The following CAMK1D variants were observed in gnomAD, a reference collection of about 807,000 sequenced individuals.
CAMK1D encodes calcium/calmodulin-dependent protein kinase type 1D.
A neutral mutation model predicts 47.7 loss-of-function variants in CAMK1D; 9 were observed. That is an observed-to-expected ratio of 0.19 (90% CI 0.11 to 0.33). The LOEUF (loss-of-function observed/expected upper bound fraction) is 0.33, where lower values mean the gene tolerates loss of function less well. Ranked by LOEUF, CAMK1D falls within the 10% of genes least tolerant of loss-of-function variation. The pLI is 1.00. For synonymous variants in CAMK1D, 184 were observed against 184.9 expected (o/e 0.99, Z 0.04); for missense variants, 291 against 488.7 (o/e 0.60, Z 3.81).
intron 3 of CAMK1D, among the ~76,000 whole-genome samples, chr10:12,713,280 G>A (rs1315926509): frequency 6.6e-6 from 1 of 152,160 alleles, no homozygotes; most frequent in Non-Finnish European, 1.5e-5. Flanking sequence ...CCAAGTGAGT[G>A]CTGCTTTTAA....
At chr10:12,377,370 A>G (rs1838214922) in intron 1 of CAMK1D, among the ~76,000 whole-genome samples, 1 of 152,186 alleles carries the variant, frequency 6.6e-6, no homozygotes, top group South Asian at 2.1e-4. Context: ...ATTTTCTCAA[A>G]TGGCTAAAAC....
intron 1 of CAMK1D, among the ~76,000 whole-genome samples, chr10:12,541,803 A>C (rs1836190683): frequency 6.6e-6 from 1 of 150,982 alleles, no homozygotes; most frequent in South Asian, 2.1e-4. Context: ...AGACGGTCTC[A>C]AGCCAAGTAC....
intron 2 of CAMK1D, among the ~76,000 whole-genome samples, chr10:12,593,689 TTTAA>T (rs1455218364): frequency 6.6e-6 from 1 of 152,192 alleles, no homozygotes; most frequent in Non-Finnish European, 1.5e-5. Flanking sequence ...GGAATTTTTT[TTTAA>T]TTAATAAATT....
At chr10:12,781,346 C>T (rs1267460625) in intron 5 of CAMK1D, among the ~76,000 whole-genome samples, 1 of 152,262 alleles carries the variant, frequency 6.6e-6, no homozygotes, top group African/African-American at 2.4e-5. Context: ...AAGGGCCGCA[C>T]AGCAGTGCCG....
chr10:12,522,334 G>A (rs576947437), intron 1 of CAMK1D, among the ~76,000 whole-genome samples: 3 of 121,810 alleles, frequency 2.5e-5, no homozygotes, highest in African/African-American at 9.0e-5. Context: ...CCTAGACAGA[G>A]GACCCTGCGG....
intron 1 of CAMK1D, among the ~76,000 whole-genome samples, chr10:12,391,320 G>C (rs1039186866): frequency 1.3e-5 from 2 of 152,136 alleles, no homozygotes; most frequent in Admixed American, 1.3e-4. Flanking sequence ...GGGATTGTCT[G>C]TGGGAATTCC....
At chr10:12,546,389 A>G (rs1836372294) in intron 1 of CAMK1D, among the ~76,000 whole-genome samples, 1 of 152,148 alleles carries the variant, frequency 6.6e-6, no homozygotes, top group South Asian at 2.1e-4. Context: ...AGTAAAGTAG[A>G]CAGGTTTCTA....
chr10:12,355,658 G>C (rs1837488251), intron 1 of CAMK1D, among the ~76,000 whole-genome samples: 1 of 152,164 alleles, frequency 6.6e-6, no homozygotes, highest in African/African-American at 2.4e-5. Context: ...GAAGCCCCTA[G>C]ACTTCTCCCC....
intron 1 of CAMK1D, among the ~76,000 whole-genome samples, chr10:12,451,629 C>T (rs1287386693): frequency 1.3e-5 from 2 of 152,206 alleles, no homozygotes; most frequent in Non-Finnish European, 2.9e-5. Flanking sequence ...CATTCATATA[C>T]ATGATATGCA....
intron 2 of CAMK1D, among the ~76,000 whole-genome samples, chr10:12,645,249 T>C (rs573464163): frequency 6.6e-6 from 1 of 152,342 alleles, no homozygotes; most frequent in South Asian, 2.1e-4. Context: ...ACATTCATTA[T>C]TGGGCTATTA....
intron 5 of CAMK1D, among the ~76,000 whole-genome samples, chr10:12,770,775 C>G (rs1279745901): frequency 6.6e-6 from 1 of 152,080 alleles, no homozygotes; most frequent in African/African-American, 2.4e-5. Flanking sequence ...GTGGGAGTTA[C>G]AGGACAGCAT....
intron 1 of CAMK1D, among the ~76,000 whole-genome samples, chr10:12,364,534 C>T (rs72767677): frequency 0.14 from 21,514 of 151,856 alleles, 1,752 homozygotes; most frequent in Middle Eastern, 0.26. Context: ...TGAGCCACCA[C>T]GCATGGCCAT....
At chr10:12,799,891 C>T (rs55896748) in intron 6 of CAMK1D, among the ~76,000 whole-genome samples, 14,010 of 152,138 alleles carry the variant, frequency 0.092, 865 homozygotes, top group African/African-American at 0.17. Context: ...CGCCAGTGTT[C>T]AATTTCAGTC....
intron 2 of CAMK1D, among the ~76,000 whole-genome samples, chr10:12,606,760 G>A (rs982887525): frequency 6.6e-6 from 1 of 152,144 alleles, no homozygotes; most frequent in African/African-American, 2.4e-5. Context: ...ATTATCATTC[G>A]CAAAGTGTAG....
At chr10:12,527,265 G>C (rs985190825) in intron 1 of CAMK1D, among the ~76,000 whole-genome samples, 1 of 150,730 alleles carries the variant, frequency 6.6e-6, no homozygotes, top group Non-Finnish European at 1.5e-5. Context: ...GGGACTGCTT[G>C]TCTCAGTCCT....
chr10:12,576,250 T>C (rs891960919), intron 2 of CAMK1D, among the ~76,000 whole-genome samples: 1 of 152,120 alleles, frequency 6.6e-6, no homozygotes, highest in African/African-American at 2.4e-5. Context: ...AATTAATGTA[T>C]CTATTTTGGG....
intron 1 of CAMK1D, among the ~76,000 whole-genome samples, chr10:12,408,101 A>G (rs939776972): frequency 6.6e-5 from 10 of 151,200 alleles, no homozygotes; most frequent in African/African-American, 2.4e-4. Flanking sequence ...CACGTGATCC[A>G]CCCACCTTGG....
At chr10:12,691,400 TA>T (rs55931524) in intron 3 of CAMK1D, among the ~76,000 whole-genome samples, 8 of 7,554 alleles carry the variant, frequency 1.1e-3, no homozygotes, top group Non-Finnish European at 1.3e-3. Context: ...TATATATATA[TA>T]TAAATATATA....
chr10:12,452,282 A>G (rs553186959), intron 1 of CAMK1D, among the ~76,000 whole-genome samples: 105 of 152,272 alleles, frequency 6.9e-4, no homozygotes, highest in Non-Finnish European at 1.3e-3. Context: ...TATTTATACA[A>G]TTATTTATAT....
Sources: allele counts gnomAD v4.1 joint callset (sites outside exome capture counted in the v4.1 genomes callset), GRCh38; gene constraint gnomAD v4.1.1; transcripts MANE v1.5; gene names NCBI Gene and HGNC (gene_info 2026-07-23, HGNC 2026-07-21).